RGS6: variants seen among roughly 807,000 people sequenced by gnomAD.
RGS6 encodes regulator of G protein signaling 6.
Under a neutral mutation model 78.5 loss-of-function variants are expected in RGS6, and 30 were observed. The ratio of observed to expected loss-of-function variants is 0.38; its 90% CI spans 0.29 to 0.52. RGS6 has a LOEUF of 0.52. RGS6 is among the 20% of genes least tolerant of loss of function. The pLI is 0.85. For synonymous variants in RGS6, 206 were observed against 206.0 expected (o/e 1.00, Z 0.00); for missense variants, 495 against 609.7 (o/e 0.81, Z 1.98).
At chr14:72,066,345 A>G (rs1462515895) in intron 2 of RGS6, among the ~76,000 whole-genome samples, 1 of 152,098 alleles carries the variant, frequency 6.6e-6, no homozygotes, top group Non-Finnish European at 1.5e-5. Context: ...TTTTACGTCT[A>G]TATATACCTC....
rs150669715 is a variant in RGS6 at position 72,285,952 on chromosome 14, A to G, written c.85-66143A>G. Among the ~76,000 whole-genome samples the G allele has an allele frequency of 1.9e-3, 290 of 152,158 alleles. 11 individuals carry two copies. The East Asian group carries it at 0.051, about 27-fold the overall frequency. On this transcript the variant is annotated intron_variant, in intron 2 of 17. Transcript: ENST00000553525. ...ATGTGGTTTGTGAATATTTTATCCC[A>G]TTTCATAGGCTGCCTTTTCACTCTG...
At chr14:72,325,718 A>G (rs2073559257) in intron 2 of RGS6, among the ~76,000 whole-genome samples, 1 of 152,212 alleles carries the variant, frequency 6.6e-6, no homozygotes, top group Non-Finnish European at 1.5e-5. Context: ...GGAAATAGAT[A>G]GGGCAAATAA....
intron 2 of RGS6, among the ~76,000 whole-genome samples, chr14:71,974,730 A>AT (rs200914671): frequency 0.02 from 3,038 of 152,206 alleles, 105 homozygotes; most frequent in African/African-American, 0.068. Flanking sequence ...CTCAAAAGTG[A>AT]TTTTTTCCAT....
chr14:72,456,110 A>G (rs573480638), intron 4 of RGS6, among the ~76,000 whole-genome samples: 1 of 152,252 alleles, frequency 6.6e-6, no homozygotes, highest in Admixed American at 6.5e-5. Flanking sequence ...TGCCCTTGGG[A>G]AGACATCATG....
At chr14:72,182,297 C>T (rs915253954) in intron 2 of RGS6, among the ~76,000 whole-genome samples, 4 of 151,622 alleles carry the variant, frequency 2.6e-5, no homozygotes, top group African/African-American at 9.7e-5. Context: ...GTAGTCCTAG[C>T]TACTCAGTGG....
intron 3 of RGS6, among the ~76,000 whole-genome samples, chr14:72,412,773 G>A (rs1384555252): frequency 6.6e-6 from 1 of 152,196 alleles, no homozygotes; most frequent in African/African-American, 2.4e-5. Flanking sequence ...TTGTGTCTTT[G>A]TTCTCTTTGG....
chr14:72,598,480 C>T, the RGS6 span, among the ~76,000 whole-genome samples: 3 of 152,376 alleles, frequency 2.0e-5, no homozygotes, highest in African/African-American at 4.8e-5. Context: ...AGCCAGGCAT[C>T]CATTTGCATA....
chr14:72,129,044 C>T (rs1234911756), intron 2 of RGS6, among the ~76,000 whole-genome samples: 5 of 152,130 alleles, frequency 3.3e-5, no homozygotes, highest in Admixed American at 2.6e-4. Context: ...TTGCTTTAAA[C>T]TCCTATCGAT....
chr14:71,930,279 G>A (rs78794857), upstream of RGS6, among the ~76,000 whole-genome samples: 1,938 of 152,194 alleles, frequency 0.013, 34 homozygotes, highest in African/African-American at 0.043. Flanking sequence ...CCCTTCTCCA[G>A]CAGTGAGATG....
chr14:72,295,963 C>G (rs2064728502), intron 2 of RGS6, among the ~76,000 whole-genome samples: 1 of 152,202 alleles, frequency 6.6e-6, no homozygotes, highest in African/African-American at 2.4e-5. Flanking sequence ...ACCCACAGCT[C>G]TACCAAAATC....
the RGS6 span, among the ~76,000 whole-genome samples, chr14:71,907,151 G>A: frequency 2.6e-5 from 4 of 152,166 alleles, no homozygotes; most frequent in Admixed American, 6.5e-5. Context: ...TGTGGTTCCT[G>A]CCCTCATGAG....
chr14:72,535,413 C>T (rs906405595), intron 15 of RGS6, among the ~76,000 whole-genome samples: 1 of 152,086 alleles, frequency 6.6e-6, no homozygotes, highest in East Asian at 1.9e-4. Flanking sequence ...TTTTGAGATA[C>T]GTATTGATTC....
intron 2 of RGS6, among the ~76,000 whole-genome samples, chr14:71,986,154 A>G (rs1338672360): frequency 6.6e-6 from 1 of 152,156 alleles, no homozygotes; most frequent in Non-Finnish European, 1.5e-5. Flanking sequence ...ATATGACTAC[A>G]GTGTTCTCGA....
intron 2 of RGS6, among the ~76,000 whole-genome samples, chr14:72,074,384 G>C (rs113109679): frequency 9.9e-5 from 15 of 151,908 alleles, no homozygotes; most frequent in African/African-American, 3.6e-4. Flanking sequence ...GGTGGGTAGA[G>C]ACAGGGTCTA....
intron 2 of RGS6, among the ~76,000 whole-genome samples, chr14:72,028,109 C>T (rs2090223016): frequency 6.6e-6 from 1 of 152,154 alleles, no homozygotes; most frequent in Non-Finnish European, 1.5e-5. Context: ...AGGTAGGCTG[C>T]CTTTAATTTG....
At chr14:72,073,849 T>G (rs2094488296) in intron 2 of RGS6, among the ~76,000 whole-genome samples, 2 of 152,220 alleles carry the variant, frequency 1.3e-5, no homozygotes, top group African/African-American at 4.8e-5. Context: ...TGTGAGCTAT[T>G]TTAAGTAGAC....
At chr14:72,590,400 G>C in the RGS6 span, among the ~76,000 whole-genome samples, 1 of 152,210 alleles carries the variant, frequency 6.6e-6, no homozygotes, top group Admixed American at 6.5e-5. Context: ...TTCACCGACA[G>C]GTGAATGAAT....
the RGS6 span, chr14:72,612,642 C>T: frequency 9.7e-6 from 5 of 518,120 alleles, no homozygotes; most frequent in African/African-American, 9.6e-5. Flanking sequence ...GGGGAGTAGA[C>T]ATGGAAGGGC....
chr14:72,462,558 C>A (rs775988992), intron 6 of RGS6, among the ~76,000 whole-genome samples: 2 of 152,150 alleles, frequency 1.3e-5, no homozygotes, highest in African/African-American at 4.8e-5. Flanking sequence ...TCAAATAGTT[C>A]CTGATATTCA....
Sources: allele counts gnomAD v4.1 joint callset (sites outside exome capture counted in the v4.1 genomes callset), GRCh38; gene constraint gnomAD v4.1.1; transcripts MANE v1.5; gene names NCBI Gene and HGNC (gene_info 2026-07-23, HGNC 2026-07-21).